KCNIP4: variants seen among roughly 807,000 people sequenced by gnomAD.
The protein encoded by KCNIP4 is Kv channel-interacting protein 4.
KCNIP4 carries 12 observed loss-of-function variants against 34.0 expected under a neutral mutation model. The ratio of observed to expected loss-of-function variants is 0.35; its 90% confidence interval spans 0.23 to 0.57. The LOEUF (loss-of-function observed/expected upper bound fraction) is 0.57. KCNIP4 is among the 20% of genes least tolerant of loss of function. The pLI is 0.83. For missense variants in KCNIP4, 238 were observed against 311.7 expected (o/e 0.76, Z 1.78); for synonymous variants, 124 against 102.2 (o/e 1.21, Z -1.29).
At chr4:21,507,487 G>C (rs906795485) in intron 1 of KCNIP4, among the ~76,000 whole-genome samples, 14 of 151,988 alleles carry the variant, frequency 9.2e-5, no homozygotes, top group Non-Finnish European at 2.9e-5. Flanking sequence ...GAACTCCTGA[G>C]CTCAGACAAT....
At chr4:21,389,792 T>C (rs1722384954) in intron 1 of KCNIP4, among the ~76,000 whole-genome samples, 2 of 152,106 alleles carry the variant, frequency 1.3e-5, no homozygotes, top group African/African-American at 4.8e-5. Flanking sequence ...AGCAGCATAA[T>C]TTATAATCCT....
At chr4:20,890,850 C>T (rs1325159678) in intron 1 of KCNIP4, among the ~76,000 whole-genome samples, 1 of 152,194 alleles carries the variant, frequency 6.6e-6, no homozygotes, top group Admixed American at 6.6e-5. Flanking sequence ...ACTGAAAACA[C>T]GTCAGCCTAT....
chr4:21,123,130 C>T (rs745695072), intron 1 of KCNIP4, among the ~76,000 whole-genome samples: 11 of 151,890 alleles, frequency 7.2e-5, no homozygotes, highest in Admixed American at 3.3e-4. Flanking sequence ...AGGAGAATGG[C>T]GTGAACCTGG....
rs1343027111 is a variant in KCNIP4, at chr4:21,528,738, A to G, written c.61+419833T>C. On this transcript the variant is annotated intron_variant, in intron 1 of 8. Transcript: ENST00000382152. ...AAGAAAGAAAGAAAGAAAGAAAGAAAGAAAGAAAGAAAGAAAGAAAGAAAG... is the reference window on the plus strand; with the variant it reads ...AAGAAAGAAAGAAAGAAAGAAAGAAGGAAAGAAAGAAAGAAAGAAAGAAAG... Among the ~76,000 whole-genome samples, 19 of 4,654 alleles carry G rather than the reference A, an allele frequency of 4.1e-3. 3 individuals carry two copies. The East Asian group carries it at 0.051, about 12-fold the overall frequency. The allele number at this position is 4,654 out of a possible 152,430, so 3.1% of individuals were successfully genotyped here.
chr4:21,324,598 A>G (rs1714838091), intron 1 of KCNIP4, among the ~76,000 whole-genome samples: 1 of 151,320 alleles, frequency 6.6e-6, no homozygotes, highest in Non-Finnish European at 1.5e-5. Context: ...ATTCTGTTCC[A>G]TTGCTCTATC....
chr4:20,836,979 G>A (rs1719122158), intron 3 of KCNIP4, among the ~76,000 whole-genome samples: 1 of 151,676 alleles, frequency 6.6e-6, no homozygotes, highest in Admixed American at 6.6e-5. Flanking sequence ...AGGTGAGAAC[G>A]ATTCTTTTTT....
At position 21,862,966 on chromosome 4, in the gene KCNIP4, AAG is replaced by A. The variant is rs201046585; in HGVS notation, c.61+85603_61+85604del. On this transcript the variant is annotated intron_variant, in intron 1 of 8. Transcript: ENST00000382152. ...ACCGAGTGAGACTCCGTCTCAAAAA[AAG>A]AAAAAAAAAGAATTAAGGTAGAATT... Among the ~76,000 whole-genome samples, 120 of 133,294 alleles carry A rather than the reference AAG, an allele frequency of 9.0e-4. 12 individuals carry two copies. The highest frequency in any genetic ancestry group is 1.0e-3 in the Non-Finnish European group (63 of 61,740). The allele number at this position is 133,294 out of a possible 152,430, so 87.4% of individuals were successfully genotyped here.
chr4:21,416,879 G>C (rs1364064132), intron 1 of KCNIP4, among the ~76,000 whole-genome samples: 1 of 152,166 alleles, frequency 6.6e-6, no homozygotes. Flanking sequence ...AGAATCACAT[G>C]CTTCCTAGAC....
At chr4:21,678,859 C>T (rs1390872171) in intron 1 of KCNIP4, among the ~76,000 whole-genome samples, 4 of 152,138 alleles carry the variant, frequency 2.6e-5, no homozygotes, top group Admixed American at 6.5e-5. Context: ...CCCAGTACCT[C>T]GGAACGTGAC....
At chr4:21,143,288 G>T (rs182881655) in intron 1 of KCNIP4, among the ~76,000 whole-genome samples, 4 of 152,324 alleles carry the variant, frequency 2.6e-5, no homozygotes, top group African/African-American at 7.2e-5. Context: ...CAAAGCAAGA[G>T]AAGGACTCAA....
At chr4:20,909,905 A>G (rs1728167617) in intron 1 of KCNIP4, among the ~76,000 whole-genome samples, 1 of 152,190 alleles carries the variant, frequency 6.6e-6, no homozygotes, top group South Asian at 2.1e-4. Flanking sequence ...GGGAAAGGCC[A>G]AAAGATTCCC....
intron 1 of KCNIP4, among the ~76,000 whole-genome samples, chr4:21,856,144 G>A (rs952519140): frequency 6.6e-6 from 1 of 152,020 alleles, no homozygotes; most frequent in Non-Finnish European, 1.5e-5. Context: ...CCTTGGGTGG[G>A]GTCATTTATC....
At chr4:21,838,807 G>A (rs892561565) in intron 1 of KCNIP4, among the ~76,000 whole-genome samples, 7 of 152,024 alleles carry the variant, frequency 4.6e-5, no homozygotes, top group Admixed American at 6.6e-5. Flanking sequence ...CTTTCTTACT[G>A]GACTACAAAA....
chr4:21,298,830 T>A (rs753689507), intron 1 of KCNIP4, among the ~76,000 whole-genome samples: 1 of 152,210 alleles, frequency 6.6e-6, no homozygotes, highest in Admixed American at 6.5e-5. Flanking sequence ...ATTTCATGCA[T>A]AGAATGCGTC....
At chr4:20,929,672 T>G (rs1311257605) in intron 1 of KCNIP4, among the ~76,000 whole-genome samples, 1 of 151,968 alleles carries the variant, frequency 6.6e-6, no homozygotes, top group Non-Finnish European at 1.5e-5. Context: ...CAGAATGAAT[T>G]AATTCAGTAA....
intron 1 of KCNIP4, among the ~76,000 whole-genome samples, chr4:21,098,270 C>T (rs1456242614): frequency 6.6e-6 from 1 of 152,130 alleles, no homozygotes; most frequent in Admixed American, 6.6e-5. Context: ...GAAGATCTAG[C>T]TAAGAAAATT....
intron 1 of KCNIP4, among the ~76,000 whole-genome samples, chr4:21,189,371 C>G (rs1755469498): frequency 6.6e-6 from 1 of 152,136 alleles, no homozygotes. Context: ...CGAGAAAAAG[C>G]ATCTTATGTC....
intron 3 of KCNIP4, among the ~76,000 whole-genome samples, chr4:20,800,374 G>A (rs1235665354): frequency 6.6e-6 from 1 of 152,154 alleles, no homozygotes; most frequent in Non-Finnish European, 1.5e-5. Context: ...AAGAAACACA[G>A]AAAACAAGGA....
At chr4:21,195,784 G>A (rs1756011323) in intron 1 of KCNIP4, among the ~76,000 whole-genome samples, 1 of 152,128 alleles carries the variant, frequency 6.6e-6, no homozygotes, top group Non-Finnish European at 1.5e-5. Context: ...TGGTTGCAAT[G>A]GCTCATTAAG....
Sources: gnomAD v4.1 joint callset for allele counts (sites outside exome capture counted in the v4.1 genomes callset) on GRCh38, gnomAD v4.1.1 for gene constraint, MANE v1.5 for transcripts, NCBI Gene and HGNC (gene_info 2026-07-23, HGNC 2026-07-21) for gene names.